PCED1B: variants seen among roughly 807,000 people sequenced by gnomAD.
PCED1B encodes PC-esterase domain containing 1B.
For synonymous variants in PCED1B, 251 were observed against 246.1 expected (o/e 1.02, Z -0.19); for missense variants, 573 against 573.9 (o/e 1.00, Z 0.02).
At chr12:47,122,059 C>G (rs1319896076) in intron 2 of PCED1B, among the ~76,000 whole-genome samples, 6 of 151,530 alleles carry the variant, frequency 4.0e-5, no homozygotes, top group African/African-American at 9.7e-5. Flanking sequence ...TCTGAACTTC[C>G]CTTTTTTTTT....
At chr12:47,234,492 CTT>C (rs1202973714) in intron 3 of PCED1B, among the ~76,000 whole-genome samples, 7 of 152,164 alleles carry the variant, frequency 4.6e-5, no homozygotes, top group Non-Finnish European at 8.8e-5. Context: ...ATGCATATCT[CTT>C]TTATATAGTT....
chr12:47,161,364 T>C (rs775450659), intron 2 of PCED1B, among the ~76,000 whole-genome samples: 36 of 152,366 alleles, frequency 2.4e-4, no homozygotes, highest in East Asian at 5.8e-4. Context: ...AGTACCGTTA[T>C]TGAAAATCAT....
chr12:47,236,184 T>C lies in PCED1B; in HGVS notation c.1121T>C (p.Met374Thr). 3.1e-6 allele frequency: 5 copies of C among 1,614,182 alleles called. No homozygotes were observed. Among genetic ancestry groups the C allele is most frequent in the South Asian group, 2.2e-5 (2 of 91,086 alleles). The change falls in exon 4 of 4, where the codon ATG (methionine) becomes ACG (threonine). Residue 374 changes from methionine (M) to threonine (T), a missense_variant. Transcript: ENST00000546455. ...GGTTTCTTCGTCGAAGACAATTTTA[T>C]GGTTGGTCCTCAGCTGCCTATGCCC... The part of the protein sequence containing the change: ...HAGFFVEDNF[M>T]VGPQLPMPFF...
intron 2 of PCED1B, among the ~76,000 whole-genome samples, chr12:47,211,694 A>G (rs1182126142): frequency 1.5e-4 from 23 of 148,534 alleles, no homozygotes; most frequent in Non-Finnish European, 3.0e-5. Context: ...GCAGTGGCTC[A>G]GGCCTGTAAT....
At chr12:47,150,439 A>C (rs1450024936) in intron 2 of PCED1B, among the ~76,000 whole-genome samples, 1 of 151,928 alleles carries the variant, frequency 6.6e-6, no homozygotes, top group Admixed American at 6.6e-5. Flanking sequence ...TTAGCTGGGC[A>C]CAGTGGTGCG....
chr12:47,140,232 C>A (rs140466624), intron 2 of PCED1B, among the ~76,000 whole-genome samples: 5 of 152,318 alleles, frequency 3.3e-5, no homozygotes, highest in African/African-American at 1.2e-4. Context: ...GCTTTTGCTA[C>A]ATCATCCTGA....
At chr12:47,108,308 G>A (rs1939046591) in intron 2 of PCED1B, among the ~76,000 whole-genome samples, 2 of 152,156 alleles carry the variant, frequency 1.3e-5, no homozygotes, top group African/African-American at 4.8e-5. Flanking sequence ...AGCTGCCCAT[G>A]CTCACCACAC....
chr12:47,225,461 G>A (rs1242800461), intron 3 of PCED1B, among the ~76,000 whole-genome samples: 1 of 152,150 alleles, frequency 6.6e-6, no homozygotes, highest in Admixed American at 6.6e-5. Flanking sequence ...AGAAAAGTTC[G>A]AATTGTTTGC....
intron 2 of PCED1B, among the ~76,000 whole-genome samples, chr12:47,185,660 G>A (rs752464659): frequency 6.6e-6 from 1 of 151,782 alleles, no homozygotes; most frequent in African/African-American, 2.4e-5. Context: ...TTGGTGGCAG[G>A]CACCTGTAAT....
intron 1 of PCED1B, among the ~76,000 whole-genome samples, chr12:47,086,965 A>T (rs1390854321): frequency 6.6e-6 from 1 of 152,228 alleles, no homozygotes; most frequent in East Asian, 1.9e-4. Context: ...AGCAGCCATT[A>T]TTCACCAACC....
At chr12:47,224,382 CTAT>C (rs1943573490) in intron 3 of PCED1B, among the ~76,000 whole-genome samples, 1 of 152,178 alleles carries the variant, frequency 6.6e-6, no homozygotes, top group Admixed American at 6.5e-5. Flanking sequence ...TTATATTAGA[CTAT>C]TATTATGGGA....
At chr12:47,174,518 T>C (rs1365295547) in intron 2 of PCED1B, among the ~76,000 whole-genome samples, 1 of 152,162 alleles carries the variant, frequency 6.6e-6, no homozygotes. Context: ...TAATCTGAAG[T>C]ACCATCAAGA....
intron 2 of PCED1B, among the ~76,000 whole-genome samples, chr12:47,116,073 A>G (rs1939406739): frequency 6.6e-6 from 1 of 152,260 alleles, no homozygotes. Flanking sequence ...TTCTATTAGC[A>G]TATCACATTA....
chr12:47,214,948 G>A (rs910895675), intron 2 of PCED1B, among the ~76,000 whole-genome samples: 3 of 151,942 alleles, frequency 2.0e-5, no homozygotes, highest in Non-Finnish European at 2.9e-5. Context: ...GTGCAGTGGC[G>A]CAATCTCGGC....
At chr12:47,083,766 G>A (rs1158576761) in intron 1 of PCED1B, among the ~76,000 whole-genome samples, 2 of 152,086 alleles carry the variant, frequency 1.3e-5, no homozygotes, top group African/African-American at 2.4e-5. Flanking sequence ...GGAAATGGGG[G>A]GATAGAATGG....
intron 2 of PCED1B, among the ~76,000 whole-genome samples, chr12:47,188,074 C>T (rs542129592): frequency 6.1e-4 from 93 of 152,218 alleles, no homozygotes; most frequent in African/African-American, 2.2e-3. Context: ...CTTGGAGTCC[C>T]TTCTGTTCCC....
chr12:47,101,171 G>T (rs1006764945), intron 1 of PCED1B, among the ~76,000 whole-genome samples: 3 of 152,196 alleles, frequency 2.0e-5, no homozygotes, highest in African/African-American at 7.2e-5. Flanking sequence ...ACTTGATATT[G>T]TAATATAATT....
At chr12:47,214,716 T>C (rs1172889487) in intron 2 of PCED1B, among the ~76,000 whole-genome samples, 3 of 152,140 alleles carry the variant, frequency 2.0e-5, no homozygotes, top group African/African-American at 7.2e-5. Flanking sequence ...CCCCAGGTAA[T>C]AAAAGTTGTC....
At chr12:47,227,337 A>C (rs1943663064) in intron 3 of PCED1B, among the ~76,000 whole-genome samples, 1 of 151,620 alleles carries the variant, frequency 6.6e-6, no homozygotes, top group African/African-American at 2.4e-5. Context: ...ATGCCCACAT[A>C]ATTTTTGTAG....
Sources: gnomAD v4.1 joint callset for allele counts (sites outside exome capture counted in the v4.1 genomes callset) on GRCh38, gnomAD v4.1.1 for gene constraint, MANE v1.5 for transcripts, NCBI Gene and HGNC (gene_info 2026-07-23, HGNC 2026-07-21) for gene names.